GRIP1: variants seen among roughly 807,000 people sequenced by gnomAD.
The protein encoded by GRIP1 is glutamate receptor-interacting protein 1.
Under a neutral mutation model 129.9 loss-of-function variants are expected in GRIP1, and 45 were observed. That is an observed-to-expected ratio of 0.35 (90% confidence interval 0.27 to 0.44). The LOEUF (loss-of-function observed/expected upper bound fraction) is 0.44, where lower values mean the gene tolerates loss of function less well. Among genes scored for constraint, GRIP1 ranks in the 20% least tolerant of loss-of-function variants. The probability of loss-of-function intolerance (pLI) is 1.00; values close to 1 mark genes in which losing one functional copy is unlikely to be tolerated. For missense variants in GRIP1, 1,196 were observed against 1,396.8 expected (o/e 0.86, Z 2.29); for synonymous variants, 530 against 520.8 (o/e 1.02, Z -0.24).
intron 5 of GRIP1, among the ~76,000 whole-genome samples, chr12:66,525,811 C>T (rs1485039848): frequency 6.6e-6 from 1 of 152,092 alleles, no homozygotes; most frequent in African/African-American, 2.4e-5. Context: ...TCTCCTTAAG[C>T]TGATAAGCAA....
At chr12:66,637,558 C>T (rs10748058) in intron 1 of GRIP1, among the ~76,000 whole-genome samples, 29,696 of 148,830 alleles carry the variant, frequency 0.2, 3,032 homozygotes, top group Non-Finnish European at 0.24. Context: ...TATCTCTCCT[C>T]TTGTTATTTT....
At chr12:66,904,272 G>A (rs1029936415) in intron 1 of GRIP1, among the ~76,000 whole-genome samples, 1 of 152,268 alleles carries the variant, frequency 6.6e-6, no homozygotes, top group East Asian at 1.9e-4. Context: ...TTGCACATCA[G>A]TTATTGAACA....
At chr12:67,055,557 G>A (rs2043421280) in intron 1 of GRIP1, among the ~76,000 whole-genome samples, 1 of 152,192 alleles carries the variant, frequency 6.6e-6, no homozygotes, top group Non-Finnish European at 1.5e-5. Flanking sequence ...GCTTTACATT[G>A]TTAAAAGTTA....
At chr12:66,821,496 C>T (rs1485552606) in intron 1 of GRIP1, among the ~76,000 whole-genome samples, 1 of 152,042 alleles carries the variant, frequency 6.6e-6, no homozygotes, top group African/African-American at 2.4e-5. Flanking sequence ...ATAAAGAATA[C>T]TTCTTTAGAT....
At chr12:67,064,210 T>A (rs2043583697) in intron 1 of GRIP1, among the ~76,000 whole-genome samples, 1 of 152,190 alleles carries the variant, frequency 6.6e-6, no homozygotes, top group Admixed American at 6.5e-5. Context: ...GTAGAAGTGT[T>A]TTCCCAGTAT....
chr12:66,917,298 T>G (rs1189762048), intron 1 of GRIP1, among the ~76,000 whole-genome samples: 1 of 152,204 alleles, frequency 6.6e-6, no homozygotes, highest in Non-Finnish European at 1.5e-5. Flanking sequence ...CAATAATCTC[T>G]ACACTTGCCT....
At chr12:66,955,332 G>A (rs2041822551) in intron 1 of GRIP1, among the ~76,000 whole-genome samples, 1 of 151,982 alleles carries the variant, frequency 6.6e-6, no homozygotes, top group African/African-American at 2.4e-5. Context: ...GAGAACCACT[G>A]ATTTAAAAGA....
intron 1 of GRIP1, among the ~76,000 whole-genome samples, chr12:67,037,745 T>C (rs2043119996): frequency 6.6e-6 from 1 of 152,200 alleles, no homozygotes; most frequent in African/African-American, 2.4e-5. Context: ...GAAAAATTTA[T>C]TCAATCATTT....
chr12:66,664,929 AT>A lies in GRIP1; in HGVS notation c.55+13920del, dbSNP rs988718495. ...CCCTCATTCCCCTTCCTCAATAGGA[AT>A]TTTTTTTTCTTTTTACTGCTTCAGT... On this transcript the variant is annotated intron_variant, in intron 1 of 24. Coordinates refer to ENST00000359742, the MANE Select transcript of GRIP1 (RefSeq NM_001366722.1). Among the ~76,000 whole-genome samples the A allele has an allele frequency of 1.1e-4, 17 of 151,744 alleles. No homozygotes were observed. The East Asian group carries it at 1.9e-3, about 17-fold the overall frequency.
intron 23 of GRIP1, 112 bp from the exon 24 acceptor site, chr12:66,353,675 TATC>T: frequency 1.1e-6 from 1 of 951,798 alleles, no homozygotes; most frequent in Non-Finnish European, 1.7e-6. Context: ...TGATTTGTAA[TATC>T]AGCATCAGTC....
At chr12:66,520,299 GACC>G (rs1022181305) in intron 5 of GRIP1, among the ~76,000 whole-genome samples, 1 of 152,124 alleles carries the variant, frequency 6.6e-6, no homozygotes, top group Non-Finnish European at 1.5e-5. Context: ...GATGGGTAGT[GACC>G]ACCTTTTGAA....
intron 1 of GRIP1, among the ~76,000 whole-genome samples, chr12:66,732,963 C>T (rs1234503365): frequency 6.6e-6 from 1 of 152,116 alleles, no homozygotes; most frequent in African/African-American, 2.4e-5. Context: ...CAAATTTTAT[C>T]ATAATAAAGA....
intron 1 of GRIP1, among the ~76,000 whole-genome samples, chr12:67,015,139 C>T (rs1285370577): frequency 2.0e-5 from 3 of 152,090 alleles, no homozygotes; most frequent in East Asian, 3.8e-4. Context: ...GCGAGGAAGA[C>T]GTGCACATAC....
chr12:66,573,971 C>T (rs1230025163), intron 2 of GRIP1, among the ~76,000 whole-genome samples: 3 of 152,174 alleles, frequency 2.0e-5, no homozygotes, highest in Non-Finnish European at 4.4e-5. Flanking sequence ...ATGATAATCC[C>T]TTTTCCATAT....
chr12:66,451,235 G>T (rs188144464), intron 11 of GRIP1, among the ~76,000 whole-genome samples: 11 of 151,998 alleles, frequency 7.2e-5, no homozygotes, highest in African/African-American at 1.9e-4. Context: ...TGTAAGAAAG[G>T]GCAGGGGGAG....
chr12:66,440,986 T>G (rs2058457372), intron 13 of GRIP1, among the ~76,000 whole-genome samples: 2 of 152,214 alleles, frequency 1.3e-5, no homozygotes. Context: ...ATCCATTCAG[T>G]GCATTTTTCC....
At chr12:66,584,159 C>A (rs1186527553) in intron 2 of GRIP1, among the ~76,000 whole-genome samples, 1 of 146,060 alleles carries the variant, frequency 6.8e-6, no homozygotes, top group Admixed American at 7.1e-5. Context: ...ATCGCAAGAA[C>A]AAAAAACCAA....
chr12:66,889,365 G>A (rs137988789), intron 1 of GRIP1, among the ~76,000 whole-genome samples: 3,575 of 152,240 alleles, frequency 0.023, 67 homozygotes, highest in Middle Eastern at 0.058. Flanking sequence ...GGAGGCTGAG[G>A]CAGGAGAATC....
intron 1 of GRIP1, among the ~76,000 whole-genome samples, chr12:66,731,308 A>C (rs1454426393): frequency 2.0e-5 from 3 of 152,232 alleles, no homozygotes; most frequent in Non-Finnish European, 4.4e-5. Context: ...GTATTATAAC[A>C]CATTGGGCTG....
Sources: gnomAD v4.1 joint callset for allele counts (sites outside exome capture counted in the v4.1 genomes callset) on GRCh38, gnomAD v4.1.1 for gene constraint, MANE v1.5 for transcripts, NCBI Gene and HGNC (gene_info 2026-07-23, HGNC 2026-07-21) for gene names.